Variants in SGK1 observed in about 807,000 individuals in gnomAD.
The protein encoded by SGK1 is serine/threonine-protein kinase Sgk1.
A neutral mutation model predicts 64.2 loss-of-function variants in SGK1; 26 were observed. The ratio of observed to expected loss-of-function variants is 0.40; its 90% CI spans 0.30 to 0.56. SGK1 has a LOEUF of 0.56. Among genes scored for constraint, SGK1 ranks in the 20% least tolerant of loss-of-function variants. The probability of loss-of-function intolerance (pLI) is 0.38; values close to 1 mark genes in which losing one functional copy is unlikely to be tolerated. For synonymous variants in SGK1, 265 were observed against 239.7 expected (o/e 1.11, Z -0.98); for missense variants, 519 against 645.6 (o/e 0.80, Z 2.12).
intron 3 of SGK1, among the ~76,000 whole-genome samples, chr6:134,182,161 C>G (rs958249915): frequency 6.6e-6 from 1 of 152,080 alleles, no homozygotes; most frequent in South Asian, 2.1e-4. Flanking sequence ...CCTAGCCATA[C>G]CTGTGAGATT....
intron 2 of SGK1, among the ~76,000 whole-genome samples, chr6:134,243,039 A>C (rs1381672761): frequency 6.6e-6 from 1 of 151,884 alleles, no homozygotes; most frequent in Non-Finnish European, 1.5e-5. Flanking sequence ...TAATGGTTAA[A>C]AAACAAACAA....
intron 4 of SGK1, 171 bp downstream of exon 4, chr6:134,174,340 G>C (rs1318420168): frequency 3.2e-6 from 2 of 621,472 alleles, no homozygotes; most frequent in Non-Finnish European, 5.6e-6. Context: ...AGCCAAATCA[G>C]CAAATTAACT....
At chr6:134,212,085 T>G (rs1743952) in intron 2 of SGK1, among the ~76,000 whole-genome samples, 92,168 of 150,688 alleles carry the variant, frequency 0.61, 30,814 homozygotes, top group South Asian at 0.83. Context: ...ACGGAGTCTC[T>G]CTCTGTCGCC....
At chr6:134,180,927 G>A (rs1775321885) in intron 3 of SGK1, among the ~76,000 whole-genome samples, 1 of 150,938 alleles carries the variant, frequency 6.6e-6, no homozygotes, top group African/African-American at 2.4e-5. Flanking sequence ...TTTACTGTTA[G>A]GCATTTGCAT....
intron 2 of SGK1, chr6:134,215,117 G>C (rs752494518): frequency 1.3e-5 from 5 of 392,158 alleles, no homozygotes; most frequent in Non-Finnish European, 2.0e-5. Flanking sequence ...ATGAGAGTAA[G>C]TTTTCTTTCT....
In SGK1 at chr6:134,265,701, G is replaced by A. The variant is rs184636737; in HGVS notation, c.70-3553C>T. On this transcript the variant is annotated intron_variant, in intron 1 of 13. Coordinates refer to ENST00000367858, the MANE Select transcript of SGK1 (RefSeq NM_001143676.3). ...GTTAAGAGGCAAAATAGAAACTGCT[G>A]TGTTTATTGTTAGTATCATGGGTGT... is the stretch of plus-strand genomic sequence containing the variant. Among the ~76,000 whole-genome samples, 231 of 148,060 alleles carry A rather than the reference G, an allele frequency of 1.6e-3. 1 individual carries two copies. The highest frequency in any genetic ancestry group is 5.3e-3 in the African/African-American group (216 of 40,690).
At chr6:134,186,910 G>A (rs905577690) in intron 3 of SGK1, among the ~76,000 whole-genome samples, 1 of 151,318 alleles carries the variant, frequency 6.6e-6, no homozygotes, top group African/African-American at 2.4e-5. Context: ...TCTGCCTCCT[G>A]GGTTCAAGCA....
intron 1 of SGK1, among the ~76,000 whole-genome samples, chr6:134,272,861 A>G (rs1776962459): frequency 6.7e-6 from 1 of 148,402 alleles, no homozygotes; most frequent in Non-Finnish European, 1.5e-5. Context: ...GTCAAATCCA[A>G]TAGACATTTC....
At chr6:134,209,664 C>G (rs1775853080) in intron 2 of SGK1, among the ~76,000 whole-genome samples, 1 of 152,084 alleles carries the variant, frequency 6.6e-6, no homozygotes, top group Non-Finnish European at 1.5e-5. Context: ...GACATTTTCT[C>G]TTTATAACAA....
At chr6:134,310,058 T>G (rs1293640129) in intron 1 of SGK1, among the ~76,000 whole-genome samples, 2 of 152,190 alleles carry the variant, frequency 1.3e-5, no homozygotes, top group Non-Finnish European at 2.9e-5. Context: ...ACATGCATTT[T>G]GATGGCTCCA....
chr6:134,247,783 C>T (rs734738), intron 2 of SGK1, among the ~76,000 whole-genome samples: 65,622 of 152,028 alleles, frequency 0.43, 17,119 homozygotes, highest in South Asian at 0.75. Flanking sequence ...TTATGCCATT[C>T]ACTAAAATTA....
intron 3 of SGK1, among the ~76,000 whole-genome samples, chr6:134,176,282 GCTT>G (rs561378635): frequency 7.0e-4 from 107 of 152,310 alleles, no homozygotes; most frequent in African/African-American, 2.5e-3. Flanking sequence ...CTGCCCCAGG[GCTT>G]CTTAGTTTTG....
At chr6:134,209,807 G>A (rs544342746) in intron 2 of SGK1, among the ~76,000 whole-genome samples, 1 of 152,276 alleles carries the variant, frequency 6.6e-6, no homozygotes, top group East Asian at 1.9e-4. Flanking sequence ...CTCAATAGTA[G>A]CTGGGATTAC....
chr6:134,298,780 A>C, intron 1 of SGK1: 1 of 339,320 alleles, frequency 2.9e-6, no homozygotes, highest in South Asian at 1.0e-4. Flanking sequence ...GATAGCATTC[A>C]GCTCTTATTT....
chr6:134,315,102 A>G (rs1038957341), intron 1 of SGK1, among the ~76,000 whole-genome samples: 1 of 152,154 alleles, frequency 6.6e-6, no homozygotes, highest in Admixed American at 6.6e-5. Flanking sequence ...TGTTTTATAG[A>G]TGTATTTACA....
chr6:134,260,155 G>A (rs1426131373), intron 2 of SGK1: 2 of 151,604 alleles, frequency 1.3e-5, no homozygotes, highest in Non-Finnish European at 2.9e-5. Context: ...AGCCTGGTCA[G>A]TATGACAACA....
At chr6:134,235,295 C>A (rs1008246200) in intron 2 of SGK1, among the ~76,000 whole-genome samples, 2 of 152,156 alleles carry the variant, frequency 1.3e-5, no homozygotes, top group African/African-American at 4.8e-5. Context: ...TTTCACATCG[C>A]TTCCAGGGCT....
At chr6:134,240,384 C>A (rs998619806) in intron 2 of SGK1, among the ~76,000 whole-genome samples, 1 of 151,254 alleles carries the variant, frequency 6.6e-6, no homozygotes, top group African/African-American at 2.4e-5. Flanking sequence ...AATAAATAAC[C>A]ATGTCAGTAG....
At chr6:134,292,421 C>T (rs1219896792) in intron 1 of SGK1, among the ~76,000 whole-genome samples, 6 of 152,090 alleles carry the variant, frequency 3.9e-5, no homozygotes, top group African/African-American at 1.4e-4. Flanking sequence ...GGTGAAACCC[C>T]GTCTCTGCTA....
Sources: gnomAD v4.1 joint callset for allele counts (sites outside exome capture counted in the v4.1 genomes callset) on GRCh38, gnomAD v4.1.1 for gene constraint, MANE v1.5 for transcripts, NCBI Gene and HGNC (gene_info 2026-07-23, HGNC 2026-07-21) for gene names.